The following FAM20B variants were observed in gnomAD, a reference collection of about 807,000 sequenced individuals.
FAM20B encodes the protein glycosaminoglycan xylosylkinase.
In FAM20B, 23 loss-of-function variants were observed where a neutral mutation model predicts 43.8. That is an observed-to-expected ratio of 0.53 (90% CI 0.38 to 0.74). The LOEUF is 0.74. FAM20B is among the 30% of genes least tolerant of loss of function. FAM20B has a pLI of 0.00. For missense variants in FAM20B, 440 were observed against 510.5 expected (o/e 0.86, Z 1.33); for synonymous variants, 178 against 192.4 (o/e 0.93, Z 0.62).
chr1:179,071,375 T>C (rs938891621), intron 7 of FAM20B, among the ~76,000 whole-genome samples: 14 of 152,200 alleles, frequency 9.2e-5, no homozygotes, highest in African/African-American at 3.4e-4. Context: ...GAAGGAAGTT[T>C]ATAGTACCCA....
At position 179,074,418 on chromosome 1, in the gene FAM20B, G is replaced by A. The variant is rs3766625; in HGVS notation, c.*2274G>A. On this transcript the variant is annotated 3_prime_UTR_variant, in exon 8 of 8. Coordinates refer to ENST00000263733, the MANE Select transcript of FAM20B (RefSeq NM_014864.4). ...AAGAGATGTCATCTCTGCTCTCCCT[G>A]TAAATGTTAGTTGAACTAAGTTATG... 21,511 of 152,584 alleles carry A rather than the reference G, an allele frequency of 0.14. 1,695 individuals carry two copies. Among genetic ancestry groups the A allele is most frequent in the East Asian group, 0.31 (1,574 of 5,158 alleles). The allele number at this position is 152,584 out of a possible 1,614,324, so 9.5% of individuals were successfully genotyped here.
intron 1 of FAM20B, chr1:179,035,229 G>C (rs1650172018): frequency 2.2e-6 from 1 of 463,348 alleles, no homozygotes; most frequent in African/African-American, 2.0e-5. Flanking sequence ...CCATCAGCCA[G>C]ATTTTTTTTT....
At position 179,072,255 on chromosome 1, in the gene FAM20B, C is replaced by T. The variant is rs1006004026; in HGVS notation, c.*111C>T. On this transcript the variant is annotated 3_prime_UTR_variant, in exon 8 of 8. Transcript: ENST00000263733. ...AGTGGCCAGCAGCAAGTTCTGGTGA[C>T]GGGACAGAGTGGCCTTGGATGTCTT... The T allele has an allele frequency of 2.6e-5, 22 of 831,420 alleles. No individual in the cohort carries two copies. Among genetic ancestry groups the T allele is most frequent in the East Asian group, 8.0e-5 (3 of 37,352 alleles). 51.5% of individuals were successfully genotyped at this position (831,420 alleles called of 1,614,324 possible).
At chr1:179,054,675 GA>G (rs1651138226) in intron 4 of FAM20B, 37 bp downstream of exon 4, 1 of 1,295,242 alleles carries the variant, frequency 7.7e-7, no homozygotes, top group Non-Finnish European at 1.1e-6. Context: ...ATAGGGGAAT[GA>G]TTAATAAGTT....
Position 179,035,290 on chromosome 1 carries a change from T to A in FAM20B, c.-133-8425T>A, listed in dbSNP as rs531175914. 17 of 639,988 alleles carry A rather than the reference T, an allele frequency of 2.7e-5. No homozygotes were observed. The Admixed American group carries it at 3.0e-4, about 11-fold the overall frequency. The allele number at this position is 639,988 out of a possible 1,614,324, so 39.6% of individuals were successfully genotyped here. Reference sequence around the variant, plus strand: ...TCCAGAGAATGGTCTGTCTTCAGTCTTTAAGGACTCAGCTCCTTACACGGG... The same window carrying A: ...TCCAGAGAATGGTCTGTCTTCAGTCATTAAGGACTCAGCTCCTTACACGGG... On this transcript the variant is annotated intron_variant, in intron 1 of 7. Coordinates refer to ENST00000263733, the MANE Select transcript of FAM20B (RefSeq NM_014864.4).
chr1:179,050,690 C>T (rs1650970429), intron 3 of FAM20B, among the ~76,000 whole-genome samples: 1 of 152,152 alleles, frequency 6.6e-6, no homozygotes, highest in African/African-American at 2.4e-5. Context: ...TGGGTCTAGC[C>T]ATCCTGTTGT....
chr1:179,050,911 C>T (rs368264749), intron 3 of FAM20B, among the ~76,000 whole-genome samples: 4 of 152,090 alleles, frequency 2.6e-5, no homozygotes, highest in African/African-American at 9.7e-5. Context: ...TGCATGAGCT[C>T]AGGAGTTCGA....
intron 1 of FAM20B, among the ~76,000 whole-genome samples, chr1:179,030,168 A>C (rs1649949871): frequency 6.6e-6 from 1 of 152,184 alleles, no homozygotes; most frequent in Non-Finnish European, 1.5e-5. Context: ...CTCTTCTCCA[A>C]GTTTTAGGGT....
intron 1 of FAM20B, among the ~76,000 whole-genome samples, chr1:179,029,426 T>C (rs1649918799): frequency 6.6e-6 from 1 of 152,240 alleles, no homozygotes; most frequent in African/African-American, 2.4e-5. Context: ...GAGAAAATAA[T>C]GCAAAGATCT....
rs1349854454 is a variant in FAM20B at position 179,076,303 on chromosome 1, A to T, written c.*4159A>T. The T allele has an allele frequency of 6.6e-6, 1 of 152,160 alleles. No individual in the cohort carries two copies. Among genetic ancestry groups the T allele is most frequent in the Non-Finnish European group, 1.5e-5 (1 of 68,024 alleles). The allele number at this position is 152,160 out of a possible 1,614,324, so 9.4% of individuals were successfully genotyped here. ...ACTGGACTACCACAGGTTTTTAGGA[A>T]CTAAGGTGTTTCTCATAAACACAAA... On this transcript the variant is annotated 3_prime_UTR_variant, in exon 8 of 8. Transcript: ENST00000263733.
intron 2 of FAM20B, among the ~76,000 whole-genome samples, chr1:179,045,661 T>C (rs148096274): frequency 0.02 from 3,113 of 152,206 alleles, 45 homozygotes; most frequent in Non-Finnish European, 0.029. Context: ...TCCCAGCACT[T>C]GGGGAGGCCG....
At chr1:179,055,188 CCT>C (rs1427025284) in intron 4 of FAM20B, among the ~76,000 whole-genome samples, 3 of 152,164 alleles carry the variant, frequency 2.0e-5, no homozygotes, top group African/African-American at 7.2e-5. Context: ...TTGCCCCTGG[CCT>C]CTGTTTTCCA....
intron 1 of FAM20B, among the ~76,000 whole-genome samples, chr1:179,030,415 GGGCAGTGT>G (rs1649960005): frequency 6.6e-6 from 1 of 151,976 alleles, no homozygotes; most frequent in Admixed American, 6.6e-5. Context: ...TATCATCCTT[GGGCAGTGT>G]GTTAGACAAC....
chr1:179,038,303 T>G (rs1650336199), intron 1 of FAM20B, among the ~76,000 whole-genome samples: 1 of 150,820 alleles, frequency 6.6e-6, no homozygotes, highest in Admixed American at 6.6e-5. Context: ...CCCAGCTACT[T>G]GGGAGGCTGA....
intron 1 of FAM20B, among the ~76,000 whole-genome samples, chr1:179,042,913 C>T (rs2102496579): frequency 6.6e-6 from 1 of 152,260 alleles, no homozygotes; most frequent in African/African-American, 2.4e-5. Context: ...CATGGGTGGC[C>T]ATGGGTGGGC....
chr1:179,076,381 TGGA>T lies in FAM20B; in HGVS notation c.*4238_*4240del, dbSNP rs1289027614. On this transcript the variant is annotated 3_prime_UTR_variant, in exon 8 of 8. Coordinates refer to ENST00000263733, the MANE Select transcript of FAM20B (RefSeq NM_014864.4). ...TCAGAAGCTCATTTATTTGCTTAAATGGAAAGTGTGGGAGCCACTACCCTCTCT... is the reference window on the plus strand; with the variant it reads ...TCAGAAGCTCATTTATTTGCTTAAATAAGTGTGGGAGCCACTACCCTCTCT... 2.6e-5 allele frequency: 4 copies of T among 152,414 alleles called. No homozygotes were observed. Among genetic ancestry groups the T allele is most frequent in the Non-Finnish European group, 5.9e-5 (4 of 68,016 alleles). The allele number at this position is 152,414 out of a possible 1,614,324, so 9.4% of individuals were successfully genotyped here.
chr1:179,020,966 G>A (rs942304234), upstream of FAM20B, among the ~76,000 whole-genome samples: 22 of 152,212 alleles, frequency 1.4e-4, 1 homozygote, highest in South Asian at 8.3e-4. Flanking sequence ...AGCTACTCGG[G>A]AGGCTGAGGC....
At chr1:179,046,910 C>A (rs947743441) in intron 2 of FAM20B, among the ~76,000 whole-genome samples, 1 of 151,810 alleles carries the variant, frequency 6.6e-6, no homozygotes, top group Non-Finnish European at 1.5e-5. Context: ...GCAGGAGAAT[C>A]GCTTGAACCC....
At chr1:179,047,297 G>A (rs1381150427) in intron 2 of FAM20B, among the ~76,000 whole-genome samples, 1 of 152,060 alleles carries the variant, frequency 6.6e-6, no homozygotes, top group Non-Finnish European at 1.5e-5. Context: ...GACCATCCTG[G>A]AAACCACTTC....
Sources: allele counts gnomAD v4.1 joint callset (sites outside exome capture counted in the v4.1 genomes callset), GRCh38; gene constraint gnomAD v4.1.1; transcripts MANE v1.5; gene names NCBI Gene and HGNC (gene_info 2026-07-23, HGNC 2026-07-21).